Variants in OR4F3 observed in about 807,000 individuals in gnomAD.
OR4F3 encodes the protein olfactory receptor 4F3/4F16/4F29.
At chr5:181,363,879 G>T (rs867695335), upstream of OR4F3, among the ~76,000 whole-genome samples, 369 of 83,292 alleles carry the variant, frequency 4.4e-3, 2 homozygotes, top group African/African-American at 0.015. Context: ...TCTCTCCCCC[G>T]TTAAATGCAA....
chr5:181,359,190 A>C, the OR4F3 span, among the ~76,000 whole-genome samples: 1 of 127,442 alleles, frequency 7.8e-6, no homozygotes, highest in South Asian at 2.6e-4. Context: ...TTAACCTTTT[A>C]ATATCTATGT....
At chr5:181,361,668 CT>C in the OR4F3 span, among the ~76,000 whole-genome samples, 2 of 116,326 alleles carry the variant, frequency 1.7e-5, 1 homozygote, top group East Asian at 4.7e-4. Flanking sequence ...TATTTATCCT[CT>C]TTTATGGCTA....
At chr5:181,362,456 G>A (rs1223224077), upstream of OR4F3, among the ~76,000 whole-genome samples, 22 of 123,700 alleles carry the variant, frequency 1.8e-4, 3 homozygotes, top group South Asian at 7.6e-4. Context: ...AGGGCGTAGC[G>A]TGGTCAGAGG....
At chr5:181,358,425 A>T in the OR4F3 span, among the ~76,000 whole-genome samples, 2 of 128,900 alleles carry the variant, frequency 1.6e-5, no homozygotes, top group Non-Finnish European at 3.3e-5. Flanking sequence ...AAACACTCTC[A>T]TCTGTTAGAA....
chr5:181,362,556 T>C (rs1582355493), upstream of OR4F3, among the ~76,000 whole-genome samples: 1 of 123,038 alleles, frequency 8.1e-6, no homozygotes. Flanking sequence ...CTGGGAAATA[T>C]ACTTAAGTGA....
chr5:181,362,536 G>T (rs1427265485), upstream of OR4F3, among the ~76,000 whole-genome samples: 5 of 124,128 alleles, frequency 4.0e-5, no homozygotes, highest in South Asian at 2.5e-4. Context: ...ATTTTTTTTT[G>T]GGGGGGGTGC....
At chr5:181,358,393 C>T in the OR4F3 span, among the ~76,000 whole-genome samples, 9 of 131,398 alleles carry the variant, frequency 6.8e-5, 1 homozygote, top group East Asian at 7.9e-4. Flanking sequence ...GGAAGGCAGA[C>T]GAGTTTGGAA....
the OR4F3 span, among the ~76,000 whole-genome samples, chr5:181,360,941 T>G: frequency 8.2e-6 from 1 of 121,692 alleles, no homozygotes; most frequent in Non-Finnish European, 1.7e-5. Flanking sequence ...TATGGATTAC[T>G]ATACAATTAC....
At chr5:181,357,633 ATT>A in the OR4F3 span, among the ~76,000 whole-genome samples, 7 of 10,660 alleles carry the variant, frequency 6.6e-4, no homozygotes, top group African/African-American at 8.2e-3. Flanking sequence ...TGGGGACTCT[ATT>A]TTTTTTTTTT....
chr5:181,358,493 C>T, the OR4F3 span, among the ~76,000 whole-genome samples: 1 of 111,224 alleles, frequency 9.0e-6, no homozygotes, highest in South Asian at 3.1e-4. Flanking sequence ...TTGTTAATTT[C>T]ATCATGTGAC....
chr5:181,357,271 A>C, the OR4F3 span, among the ~76,000 whole-genome samples: 2 of 134,206 alleles, frequency 1.5e-5, no homozygotes, highest in South Asian at 4.7e-4. Flanking sequence ...AATGGACCAG[A>C]ATATATTTCT....
the OR4F3 span, among the ~76,000 whole-genome samples, chr5:181,356,586 C>A: frequency 2.5e-4 from 34 of 134,238 alleles, 4 homozygotes; most frequent in Non-Finnish European, 5.1e-4. Context: ...CAAGGCCCCA[C>A]TCTGGCCTCG....
At chr5:181,358,755 G>A in the OR4F3 span, among the ~76,000 whole-genome samples, 1 of 30,210 alleles carries the variant, frequency 3.3e-5, no homozygotes, top group Non-Finnish European at 6.6e-5. Context: ...ACCTCTTTTA[G>A]GGATTTCTGG....
the OR4F3 span, among the ~76,000 whole-genome samples, chr5:181,348,648 C>T: frequency 7.4e-5 from 2 of 27,054 alleles, 1 homozygote; most frequent in South Asian, 4.1e-3. Flanking sequence ...GAGCTGAGAC[C>T]ATAGGGAAAT....
chr5:181,357,305 G>A, the OR4F3 span, among the ~76,000 whole-genome samples: 1 of 132,710 alleles, frequency 7.5e-6, no homozygotes, highest in Non-Finnish European at 1.6e-5. Context: ...TCTTATTTTT[G>A]TTATGAATAT....
chr5:181,356,712 C>T, the OR4F3 span, among the ~76,000 whole-genome samples: 1 of 138,204 alleles, frequency 7.2e-6, no homozygotes, highest in Non-Finnish European at 1.6e-5. Flanking sequence ...CTCTGACTCA[C>T]ATCAAATCCC....
upstream of OR4F3, among the ~76,000 whole-genome samples, chr5:181,362,795 C>CA: frequency 1.5e-5 from 1 of 66,330 alleles, no homozygotes; most frequent in Non-Finnish European, 2.7e-5. Flanking sequence ...ACAAATGGAG[C>CA]AAGGGAGCAA....
chr5:181,359,199 G>A, the OR4F3 span, among the ~76,000 whole-genome samples: 5 of 125,076 alleles, frequency 4.0e-5, no homozygotes, highest in African/African-American at 1.4e-4. Context: ...TAATATCTAT[G>A]TAATTTTAGA....
chr5:181,361,886 C>CATATTTTA, the OR4F3 span, among the ~76,000 whole-genome samples: 4 of 96,852 alleles, frequency 4.1e-5, no homozygotes, highest in Non-Finnish European at 8.2e-5. Context: ...ATGCATCACA[C>CATATTTTA]ATGCCTGATG....
Sources: gnomAD v4.1 joint callset for allele counts (sites outside exome capture counted in the v4.1 genomes callset) on GRCh38, gnomAD v4.1.1 for gene constraint, MANE v1.5 for transcripts, NCBI Gene and HGNC (gene_info 2026-07-23, HGNC 2026-07-21) for gene names.